The following KTN1 variants were observed in gnomAD, a reference collection of about 807,000 sequenced individuals.
The protein encoded by KTN1 is kinectin.
In KTN1, 130 loss-of-function variants were observed where a neutral mutation model predicts 222.5. The ratio of observed to expected loss-of-function variants is 0.58; its 90% CI spans 0.51 to 0.68. The LOEUF is 0.68. KTN1 is among the 30% of genes least tolerant of loss of function. The pLI is 0.00. For synonymous variants in KTN1, 512 were observed against 496.3 expected (o/e 1.03, Z -0.42); for missense variants, 1,508 against 1,500.4 (o/e 1.01, Z -0.08).
Position 55,671,641 on chromosome 14 carries a change from G to A in KTN1, c.3424G>A (p.Val1142Ile), listed in dbSNP as rs769932410. The A allele has an allele frequency of 3.7e-6, 6 of 1,610,426 alleles. No homozygotes were observed. The highest frequency in any genetic ancestry group is 1.3e-5 in the African/African-American group (1 of 74,860). The change falls in exon 36 of 44, where the codon GTC (valine) becomes ATC (isoleucine). Residue 1142 changes from valine to isoleucine, a missense_variant. By Grantham distance (29) the Val-to-Ile change is conservative. Transcript: ENST00000395314. The part of the protein sequence containing the change: ...LQLECEKYKS[V>I]LAETEGILQK... The stretch of plus-strand genomic sequence containing the variant: ...GCTAGAGTGTGAAAAATACAAATCC[G>A]TCCTTGCAGAAACAGTAGGAAATGA...
chr14:55,673,281 A>T, intron 40 of KTN1, 26 bp downstream of exon 40: 1 of 1,459,252 alleles, frequency 6.9e-7, no homozygotes, highest in South Asian at 1.1e-5. Flanking sequence ...TCCACTGGGT[A>T]TCAAGTAGGC....
intron 8 of KTN1, 98 bp downstream of exon 8, chr14:55,633,439 T>G (rs2040755347): frequency 1.5e-6 from 1 of 679,194 alleles, no homozygotes; most frequent in East Asian, 3.2e-5. Context: ...GTTAGACTTT[T>G]GTGTTTTTAC....
intron 2 of KTN1, among the ~76,000 whole-genome samples, 184 bp from the exon 3 acceptor site, chr14:55,616,333 G>A (rs1169342431): frequency 1.3e-5 from 2 of 152,162 alleles, no homozygotes; most frequent in Non-Finnish European, 2.9e-5. Flanking sequence ...GAAAGGAGGA[G>A]TAAGTACATT....
chr14:55,632,136 A>G lies in KTN1; in HGVS notation c.1222-1099A>G, dbSNP rs10146933. Reference sequence around the variant, plus strand: ...TCCTTCATCTTCTCATCCCCCAGCAATTTGAGTTAGTGAAGAACTGATTTT... The same window carrying G: ...TCCTTCATCTTCTCATCCCCCAGCAGTTTGAGTTAGTGAAGAACTGATTTT... On this transcript the variant is annotated intron_variant, in intron 7 of 43. Transcript: ENST00000395314. Among the ~76,000 whole-genome samples the G allele has an allele frequency of 5.8e-3, 877 of 152,280 alleles. 7 individuals are homozygous for G. The highest frequency in any genetic ancestry group is 0.02 in the African/African-American group (845 of 41,566).
chr14:55,614,764 A>T (rs926939488), intron 2 of KTN1, among the ~76,000 whole-genome samples: 1 of 152,206 alleles, frequency 6.6e-6, no homozygotes, highest in African/African-American at 2.4e-5. Flanking sequence ...ATGTCCTATA[A>T]GGTCTAAAGT....
intron 35 of KTN1, 47 bp from the exon 36 acceptor site, chr14:55,671,519 A>G: frequency 7.0e-7 from 1 of 1,426,910 alleles, no homozygotes; most frequent in Non-Finnish European, 9.7e-7. Flanking sequence ...GAAGCATAAA[A>G]CTTTCTGGTA....
In KTN1 at chr14:55,616,267, A is replaced by T. The variant is rs368747083; in HGVS notation, c.524-250A>T. On this transcript the variant is annotated intron_variant, in intron 2 of 43. Coordinates refer to ENST00000395314, the MANE Select transcript of KTN1 (RefSeq NM_001079521.2). ...ACCTTGCTGTTTATTTTTTAAGATG[A>T]TAGAGACTTGATCATGCCTATAGGC... Among the ~76,000 whole-genome samples the T allele has an allele frequency of 4.3e-4, 66 of 152,164 alleles. No homozygotes were observed. In the East Asian group the frequency reaches 0.01, roughly 24 times the overall value.
At chr14:55,647,989 ATAGT>A in intron 19 of KTN1, 32 bp from the exon 20 acceptor site, 1 of 786,718 alleles carries the variant, frequency 1.3e-6, no homozygotes, top group Non-Finnish European at 1.9e-6. Context: ...ACTTTGAAAA[ATAGT>A]TAATACATGT....
chr14:55,678,289 A>T lies in KTN1; in HGVS notation c.3856-63A>T, dbSNP rs1008175685. 7 of 957,958 alleles carry T rather than the reference A, an allele frequency of 7.3e-6. No homozygotes were observed. In the Admixed American group the frequency reaches 1.4e-4, roughly 20 times the overall value. The allele number at this position is 957,958 out of a possible 1,614,324, so 59.3% of individuals were successfully genotyped here. ...TATCTTCTACAAAATGAATAAAATTATTCATTTTTTATGTATTTATCAACT... is the reference window on the plus strand; with the variant it reads ...TATCTTCTACAAAATGAATAAAATTTTTCATTTTTTATGTATTTATCAACT... On this transcript the variant is annotated intron_variant, in intron 41 of 43. Transcript: ENST00000395314.
chr14:55,611,992 T>C (rs1240602388), intron 1 of KTN1, 27 bp from the exon 2 acceptor site: 4 of 1,029,110 alleles, frequency 3.9e-6, no homozygotes, highest in Non-Finnish European at 5.3e-6. Context: ...TTTTTTTTTT[T>C]TTGTCCCCAC....
chr14:55,644,020 A>T (rs966268412), intron 18 of KTN1, among the ~76,000 whole-genome samples: 4 of 152,182 alleles, frequency 2.6e-5, no homozygotes, highest in African/African-American at 9.7e-5. Context: ...CTAATTTAAG[A>T]TCTGTTGGGT....
chr14:55,674,263 G>A (rs1048079862), intron 40 of KTN1: 5 of 151,890 alleles, frequency 3.3e-5, no homozygotes, highest in African/African-American at 1.2e-4. Flanking sequence ...TTTTGGGGGG[G>A]GATTTTGGAT....
chr14:55,679,808 C>G, intron 43 of KTN1, 123 bp downstream of exon 43: 2 of 1,031,770 alleles, frequency 1.9e-6, no homozygotes, highest in Non-Finnish European at 2.9e-6. Flanking sequence ...CTCAGAACTT[C>G]CAGATGACAG....
intron 7 of KTN1, among the ~76,000 whole-genome samples, chr14:55,632,417 A>G (rs2040633096): frequency 6.6e-6 from 1 of 152,220 alleles, no homozygotes; most frequent in Non-Finnish European, 1.5e-5. Flanking sequence ...TATTTCATAC[A>G]AAAACATGTT....
At chr14:55,599,330 C>T (rs1393798770) in intron 1 of KTN1, among the ~76,000 whole-genome samples, 2 of 152,112 alleles carry the variant, frequency 1.3e-5, no homozygotes, top group Non-Finnish European at 2.9e-5. Context: ...ACTGGAAGTT[C>T]ACCTCTGGCA....
At chr14:55,632,243 T>C (rs954235057) in intron 7 of KTN1, among the ~76,000 whole-genome samples, 1 of 152,226 alleles carries the variant, frequency 6.6e-6, no homozygotes, top group Non-Finnish European at 1.5e-5. Context: ...GCAGCATCTT[T>C]TGTTGAAGGT....
chr14:55,665,708 T>C (rs1256895750), intron 33 of KTN1, among the ~76,000 whole-genome samples: 6 of 152,192 alleles, frequency 3.9e-5, no homozygotes, highest in Non-Finnish European at 5.9e-5. Flanking sequence ...GAAACTCTTA[T>C]ACATTTCACT....
intron 5 of KTN1, among the ~76,000 whole-genome samples, chr14:55,625,826 G>A (rs1466816939): frequency 6.6e-6 from 1 of 151,860 alleles, no homozygotes; most frequent in Non-Finnish European, 1.5e-5. Context: ...TCATATTGCT[G>A]GTAGAGGTCT....
chr14:55,670,992 G>T (rs2045394455), intron 35 of KTN1, among the ~76,000 whole-genome samples, 183 bp downstream of exon 35: 1 of 152,088 alleles, frequency 6.6e-6, no homozygotes, highest in African/African-American at 2.4e-5. Context: ...CTTTGCATTT[G>T]ATTTGTTTAC....
Sources: allele counts gnomAD v4.1 joint callset (sites outside exome capture counted in the v4.1 genomes callset), GRCh38; gene constraint gnomAD v4.1.1; transcripts MANE v1.5; gene names NCBI Gene and HGNC (gene_info 2026-07-23, HGNC 2026-07-21).